Variants in CSMD2 observed in about 807,000 individuals in gnomAD.
The protein encoded by CSMD2 is CUB and Sushi multiple domains 2.
Under a neutral mutation model 398.5 loss-of-function variants are expected in CSMD2, and 130 were observed. That is an observed-to-expected ratio of 0.33 (90% confidence interval 0.28 to 0.38). CSMD2 has a LOEUF of 0.38. Among genes scored for constraint, CSMD2 ranks in the 10% least tolerant of loss-of-function variants. The pLI is 1.00. For synonymous variants in CSMD2, 1,828 were observed against 1,908.5 expected (o/e 0.96, Z 1.10); for missense variants, 3,829 against 4,764.9 (o/e 0.80, Z 5.78).
At chr1:33,664,728 G>A (rs185252575) in intron 25 of CSMD2, among the ~76,000 whole-genome samples, 8 of 152,050 alleles carry the variant, frequency 5.3e-5, no homozygotes, top group Non-Finnish European at 8.8e-5. Context: ...TAATGAACCC[G>A]GGAGGTGGAG....
chr1:33,957,741 T>A (rs752566520), intron 3 of CSMD2, among the ~76,000 whole-genome samples: 1 of 152,070 alleles, frequency 6.6e-6, no homozygotes, highest in Non-Finnish European at 1.5e-5. Flanking sequence ...AGAGACAGTC[T>A]CTCTGGACCC....
chr1:33,739,413 G>T (rs1213947496), intron 14 of CSMD2, 79 bp from the exon 15 acceptor site: 10 of 1,385,468 alleles, frequency 7.2e-6, no homozygotes, highest in Non-Finnish European at 9.8e-6. Context: ...AGCTTCCTTG[G>T]GATGGGAAAC....
intron 1 of CSMD2, among the ~76,000 whole-genome samples, chr1:34,150,725 C>T (rs1245106788): frequency 6.6e-6 from 1 of 151,516 alleles, no homozygotes; most frequent in African/African-American, 2.4e-5. Flanking sequence ...CTAGCCCGGG[C>T]AACATAGCAA....
chr1:34,123,691 G>A (rs1040358373), intron 1 of CSMD2, among the ~76,000 whole-genome samples: 9 of 152,200 alleles, frequency 5.9e-5, no homozygotes, highest in Admixed American at 4.6e-4. Context: ...ATTGGAGGAT[G>A]CCTGGCTGGT....
At chr1:33,564,838 C>T (rs1441609112) in intron 53 of CSMD2, among the ~76,000 whole-genome samples, 1 of 152,128 alleles carries the variant, frequency 6.6e-6, no homozygotes, top group East Asian at 1.9e-4. Flanking sequence ...AAAAAACTGC[C>T]TTACAAAAAT....
intron 2 of CSMD2, among the ~76,000 whole-genome samples, chr1:34,033,385 A>T (rs1650700664): frequency 6.6e-6 from 1 of 152,254 alleles, no homozygotes; most frequent in Non-Finnish European, 1.5e-5. Flanking sequence ...AATTTAACTG[A>T]ATAAAAGGAA....
intron 3 of CSMD2, among the ~76,000 whole-genome samples, chr1:33,978,234 T>C (rs564288185): frequency 1.9e-4 from 29 of 152,220 alleles, no homozygotes; most frequent in Non-Finnish European, 3.2e-4. Context: ...CCCCACCACA[T>C]TGAGCATCTC....
At chr1:33,766,405 C>G (rs481798) in intron 13 of CSMD2, among the ~76,000 whole-genome samples, 29,835 of 152,082 alleles carry the variant, frequency 0.2, 3,653 homozygotes, top group African/African-American at 0.34. Context: ...CTGTTCAGCA[C>G]CCACTATGAT....
At chr1:33,838,983 G>C (rs947766547) in intron 6 of CSMD2, 8 of 152,340 alleles carry the variant, frequency 5.3e-5, no homozygotes, top group African/African-American at 1.9e-4. Context: ...TTAAGAAGCA[G>C]CCTAAACCTG....
intron 3 of CSMD2, among the ~76,000 whole-genome samples, chr1:33,964,819 C>A (rs748012729): frequency 6.6e-6 from 1 of 152,196 alleles, no homozygotes; most frequent in Non-Finnish European, 1.5e-5. Flanking sequence ...TATATCCTGA[C>A]TCTCCCCTTA....
chr1:34,057,882 C>G (rs769160357), intron 2 of CSMD2, among the ~76,000 whole-genome samples: 25 of 152,180 alleles, frequency 1.6e-4, no homozygotes, highest in Non-Finnish European at 2.8e-4. Flanking sequence ...TTTTATAGCA[C>G]CACACATCTG....
chr1:33,568,241 G>A (rs1438762512), intron 52 of CSMD2, among the ~76,000 whole-genome samples: 1 of 144,850 alleles, frequency 6.9e-6, no homozygotes, highest in African/African-American at 2.6e-5. Flanking sequence ...AGGCTGGACT[G>A]CAGTGGCACG....
chr1:33,987,904 GCAT>G (rs938173113), intron 3 of CSMD2, among the ~76,000 whole-genome samples: 1 of 152,078 alleles, frequency 6.6e-6, no homozygotes, highest in African/African-American at 2.4e-5. Context: ...ATTCACACCT[GCAT>G]CATATCTCAC....
rs777008267 is a variant in CSMD2 at position 33,948,267 on chromosome 1, C to T, written c.518-12313G>A. On this transcript the variant is annotated intron_variant, in intron 3 of 70. Transcript: ENST00000373381. ...CAGGGGGAAGCCATCTGTTCAGGTC[C>T]TCTGAAGTCATAGAGGCAGGTGGTA... Among the ~76,000 whole-genome samples the T allele has an allele frequency of 1.1e-4, 17 of 152,164 alleles. 1 individual carries two copies. The highest frequency in any genetic ancestry group is 2.4e-4 in the Non-Finnish European group (16 of 68,034).
At chr1:34,142,076 C>T (rs1192323630) in intron 1 of CSMD2, among the ~76,000 whole-genome samples, 1 of 152,092 alleles carries the variant, frequency 6.6e-6, no homozygotes, top group Non-Finnish European at 1.5e-5. Flanking sequence ...ATGCTGTCTT[C>T]CCTCTTTGTG....
At chr1:33,724,135 T>G in intron 19 of CSMD2, 62 bp downstream of exon 19, 2 of 1,188,996 alleles carry the variant, frequency 1.7e-6, no homozygotes, top group Non-Finnish European at 1.3e-6. Flanking sequence ...CAACTTGACC[T>G]GAGGAACTTG....
At chr1:34,125,165 G>A (rs1462160952) in intron 1 of CSMD2, among the ~76,000 whole-genome samples, 1 of 152,236 alleles carries the variant, frequency 6.6e-6, no homozygotes, top group Non-Finnish European at 1.5e-5. Flanking sequence ...CTTCCTGGCA[G>A]AGGTAACATC....
chr1:33,985,711 A>G (rs1646336738), intron 3 of CSMD2, among the ~76,000 whole-genome samples: 1 of 152,126 alleles, frequency 6.6e-6, no homozygotes, highest in Admixed American at 6.5e-5. Context: ...TCCCCAGTAG[A>G]TCTTGTGCCT....
At chr1:33,719,129 T>A (rs1646271454) in intron 19 of CSMD2, among the ~76,000 whole-genome samples, 1 of 152,092 alleles carries the variant, frequency 6.6e-6, no homozygotes, top group Non-Finnish European at 1.5e-5. Context: ...GGGGTCAAAA[T>A]CCTTGATGTG....
Sources: allele counts gnomAD v4.1 joint callset (sites outside exome capture counted in the v4.1 genomes callset), GRCh38; gene constraint gnomAD v4.1.1; transcripts MANE v1.5; gene names NCBI Gene and HGNC (gene_info 2026-07-23, HGNC 2026-07-21).